IKZF4: variants seen among roughly 807,000 people sequenced by gnomAD.
IKZF4 encodes IKAROS family zinc finger 4.
A neutral mutation model predicts 47.7 loss-of-function variants in IKZF4; 11 were observed. The observed-to-expected ratio is 0.23, with a 90% CI of 0.15 to 0.38. IKZF4 has a LOEUF of 0.38. IKZF4 is among the 10% of genes least tolerant of loss of function. The pLI is 1.00. For missense variants in IKZF4, 557 were observed against 784.9 expected (o/e 0.71, Z 3.47); for synonymous variants, 298 against 299.4 (o/e 1.00, Z 0.05).
At chr12:56,033,567 C>T (rs556534940) in intron 7 of IKZF4, among the ~76,000 whole-genome samples, 22 of 152,126 alleles carry the variant, frequency 1.4e-4, no homozygotes, top group South Asian at 2.1e-4. Context: ...ATTAGCCGGG[C>T]GTGGTGGCGG....
upstream of IKZF4, chr12:56,019,490 G>A: frequency 3.1e-6 from 1 of 320,944 alleles, no homozygotes; most frequent in Non-Finnish European, 4.5e-6. Context: ...TTCAATATCT[G>A]CCACATGCTT....
intron 1 of IKZF4, among the ~76,000 whole-genome samples, chr12:56,023,104 C>T (rs985787040): frequency 6.6e-6 from 1 of 152,162 alleles, no homozygotes; most frequent in Admixed American, 6.6e-5. Flanking sequence ...CGGCCGCCCT[C>T]AGTGTTTCTA....
At position 56,037,701 on chromosome 12, in the gene IKZF4, G is replaced by T. The variant is rs1440154367; in HGVS notation, c.*2370G>T. On this transcript the variant is annotated 3_prime_UTR_variant, in exon 8 of 8. Transcript: ENST00000547167. ...GGGCAAGACCAGGTGCTAAGGAGGGGAGAGGGGGCATCCTGTCTCTCTCCA... is the reference window on the plus strand; with the variant it reads ...GGGCAAGACCAGGTGCTAAGGAGGGTAGAGGGGGCATCCTGTCTCTCTCCA... 6.6e-6 allele frequency: 1 copy of T among 152,632 alleles called. No individual in the cohort carries two copies. Among genetic ancestry groups the T allele is most frequent in the Non-Finnish European group, 1.5e-5 (1 of 68,112 alleles). The allele number at this position is 152,632 out of a possible 1,614,324, so 9.5% of individuals were successfully genotyped here.
intron 2 of IKZF4, among the ~76,000 whole-genome samples, chr12:56,014,020 G>A (rs574581567): frequency 5.9e-5 from 9 of 152,150 alleles, no homozygotes; most frequent in East Asian, 5.8e-4. Flanking sequence ...GTGTGGTGGC[G>A]CACGCCTGTA....
chr12:56,025,198 C>T lies in IKZF4; in HGVS notation c.286+40C>T, dbSNP rs757784914. ...CTACCACCTCCTGGCAGTAGGCACC[C>T]CCTGTTGCATTTGGCCTTCAATTCA... On this transcript the variant is annotated intron_variant, in intron 3 of 7. Coordinates refer to ENST00000547167, the MANE Select transcript of IKZF4 (RefSeq NM_022465.4). 1.1e-5 allele frequency: 17 copies of T among 1,492,434 alleles called. 1 individual carries two copies. In the Middle Eastern group the frequency reaches 1.8e-3, roughly 155 times the overall value. 92.4% of individuals were successfully genotyped at this position (1,492,434 alleles called of 1,614,324 possible). A position where few individuals can be genotyped will look rare whatever the true frequency, so the allele number is the denominator to read the frequency against.
rs578117580 is a variant in IKZF4 at position 56,024,662 on chromosome 12, A to C, written c.182-392A>C. On this transcript the variant is annotated intron_variant, in intron 2 of 7. Transcript: ENST00000547167. ...ACAATTCCAGTTACCTTTCCTGCAG[A>C]TCCTGAACCGGCTGGGGGCTCCAGA... The C allele has an allele frequency of 1.4e-5, 15 of 1,060,518 alleles. No homozygotes were observed. In the African/African-American group the frequency reaches 2.6e-4, roughly 18 times the overall value. 65.7% of individuals were successfully genotyped at this position (1,060,518 alleles called of 1,614,324 possible). A position where few individuals can be genotyped will look rare whatever the true frequency, so the allele number is the denominator to read the frequency against.
chr12:56,023,317 T>A (rs538306170), intron 1 of IKZF4, among the ~76,000 whole-genome samples: 61 of 152,310 alleles, frequency 4.0e-4, no homozygotes, highest in Non-Finnish European at 8.7e-4. Flanking sequence ...ATAAAGGGAA[T>A]AAGAAGATAA....
upstream of IKZF4, among the ~76,000 whole-genome samples, chr12:56,020,753 G>A (rs1892762836): frequency 6.6e-6 from 1 of 152,196 alleles, no homozygotes; most frequent in South Asian, 2.1e-4. Flanking sequence ...GGGCCACGGA[G>A]CAACACTAGC....
chr12:56,014,680 C>CT (rs1411769247), intron 2 of IKZF4, among the ~76,000 whole-genome samples: 4 of 152,102 alleles, frequency 2.6e-5, no homozygotes, highest in Admixed American at 2.6e-4. Flanking sequence ...GCCAGTAGTC[C>CT]TGGCTACTCA....
chr12:56,008,388 C>T (rs1449064757), intron 1 of IKZF4, among the ~76,000 whole-genome samples: 1 of 152,134 alleles, frequency 6.6e-6, no homozygotes, highest in East Asian at 1.9e-4. Flanking sequence ...GAGCTGCAAA[C>T]TTGGGAAGCA....
At chr12:56,008,671 ATTT>A (rs11456606) in intron 1 of IKZF4, among the ~76,000 whole-genome samples, 3 of 124,598 alleles carry the variant, frequency 2.4e-5, no homozygotes, top group Non-Finnish European at 3.2e-5. Flanking sequence ...CTTCCAGGAA[ATTT>A]TTTTTTTTTT....
intron 2 of IKZF4, among the ~76,000 whole-genome samples, chr12:56,013,808 G>T (rs181370489): frequency 6.6e-6 from 1 of 152,324 alleles, no homozygotes; most frequent in Admixed American, 6.5e-5. Flanking sequence ...GAGAACAGCA[G>T]TTTCAATCCA....
chr12:56,015,398 A>G lies in IKZF4; in HGVS notation c.-213-2728A>G, dbSNP rs567543966. ...CTTCAAGTGGCACTTTGAACTTTGC[A>G]TTCTTTTTTTTTCTTTGAAATGGAG... On this transcript the variant is annotated intron_variant, in intron 2 of 11. Transcript: ENST00000262032. Among the ~76,000 whole-genome samples, 396 of 150,548 alleles carry G rather than the reference A, an allele frequency of 2.6e-3. 3 individuals carry two copies. Among genetic ancestry groups the G allele is most frequent in the African/African-American group, 9.3e-3 (380 of 40,894 alleles).
chr12:56,018,317 G>GGT, upstream of IKZF4: 1 of 477,704 alleles, frequency 2.1e-6, no homozygotes, highest in South Asian at 1.9e-5. Flanking sequence ...GGTGGCCCTT[G>GGT]GTAGTGTGCA....
chr12:56,029,081 C>A (rs1197228692), intron 5 of IKZF4, among the ~76,000 whole-genome samples: 1 of 152,158 alleles, frequency 6.6e-6, no homozygotes, highest in East Asian at 1.9e-4. Context: ...CCTTCTGGCT[C>A]CTGGAAATAT....
chr12:56,019,310 C>T, upstream of IKZF4: 1 of 968,350 alleles, frequency 1.0e-6, no homozygotes, highest in Non-Finnish European at 1.2e-6. Flanking sequence ...TTATTTTTTA[C>T]TCTAAAGTAG....
intron 1 of IKZF4, 84 bp downstream of exon 1, chr12:56,021,664 C>A: frequency 6.7e-7 from 1 of 1,495,118 alleles, no homozygotes; most frequent in South Asian, 1.2e-5. Context: ...ACTCCCAAGC[C>A]TGAGGAGATG....
upstream of IKZF4, among the ~76,000 whole-genome samples, chr12:56,017,868 T>C (rs1892329282): frequency 6.6e-6 from 1 of 152,160 alleles, no homozygotes; most frequent in Admixed American, 6.5e-5. Flanking sequence ...TTTTATATTT[T>C]GTAGAGATGG....
Position 56,034,690 on chromosome 12 carries a change from C to T in IKZF4, c.1117C>T (p.Leu373=). Residue 373 remains leucine, a synonymous_variant, in exon 8 of 8, where the codon CTG becomes TTG. Transcript: ENST00000547167. ...HSLEPGFGSS[L]AFVGAEHLRP... ...CCTAGAGCCTGGCTTTGGAAGTTCCCTGGCCTTTGTGGGTGCAGAGCATCT... is the reference window on the plus strand; with the variant it reads ...CCTAGAGCCTGGCTTTGGAAGTTCCTTGGCCTTTGTGGGTGCAGAGCATCT... The T allele has an allele frequency of 6.2e-7, 1 of 1,614,054 alleles. No homozygotes were observed. The highest frequency in any genetic ancestry group is 8.5e-7 in the Non-Finnish European group (1 of 1,179,898).
Sources: allele counts gnomAD v4.1 joint callset (sites outside exome capture counted in the v4.1 genomes callset), GRCh38; gene constraint gnomAD v4.1.1; transcripts MANE v1.5; gene names NCBI Gene and HGNC (gene_info 2026-07-23, HGNC 2026-07-21).